The following SCAMP1 variants were observed in gnomAD, a reference collection of about 807,000 sequenced individuals.
SCAMP1 encodes secretory carrier-associated membrane protein 1.
A neutral mutation model predicts 41.8 loss-of-function variants in SCAMP1; 15 were observed. The ratio of observed to expected loss-of-function variants is 0.36; its 90% CI spans 0.24 to 0.55. SCAMP1 has a LOEUF of 0.55. SCAMP1 is among the 20% of genes least tolerant of loss of function. The pLI is 0.86. For missense variants in SCAMP1, 341 were observed against 412.6 expected (o/e 0.83, Z 1.50); for synonymous variants, 135 against 136.8 (o/e 0.99, Z 0.09).
chr5:78,475,662 G>C lies in SCAMP1; in HGVS notation c.1011G>C (p.Gln337His). 6.5e-7 allele frequency: 1 copy of C among 1,542,076 alleles called. No homozygotes were observed. Among genetic ancestry groups the C allele is most frequent in the Non-Finnish European group, 8.7e-7 (1 of 1,145,936 alleles). The change falls in exon 9 of 9, where the codon CAG (glutamine) becomes CAC (histidine). Residue 337 changes from glutamine to histidine, a missense_variant. Physicochemically the swap from Gln to His is conservative, Grantham distance 24. Transcript: ENST00000621999. The part of the protein sequence containing the change: ...SAAQNAFKGN[Q>H]I ...CTCAGAATGCTTTCAAGGGTAACCAGATTTAAGAATCTTCAAACAATACAC... is the reference window on the plus strand; with the variant it reads ...CTCAGAATGCTTTCAAGGGTAACCACATTTAAGAATCTTCAAACAATACAC...
At chr5:78,376,413 A>G (rs1354955866) in intron 1 of SCAMP1, among the ~76,000 whole-genome samples, 1 of 152,240 alleles carries the variant, frequency 6.6e-6, no homozygotes, top group East Asian at 1.9e-4. Context: ...TAGCACATCT[A>G]TAAAATGCAT....
chr5:78,413,508 C>T (rs1242620485), intron 2 of SCAMP1, among the ~76,000 whole-genome samples: 1 of 151,586 alleles, frequency 6.6e-6, no homozygotes, highest in Non-Finnish European at 1.5e-5. Flanking sequence ...ACCTCTGCCT[C>T]CCAGGCTCAA....
At chr5:78,469,909 A>AC (rs1753836465) in intron 8 of SCAMP1, among the ~76,000 whole-genome samples, 1 of 59,286 alleles carries the variant, frequency 1.7e-5, no homozygotes, top group Non-Finnish European at 3.6e-5. Flanking sequence ...AAAAAAAAAA[A>AC]AAACAAAAAA....
At chr5:78,452,924 T>G (rs1206133626) in intron 7 of SCAMP1, among the ~76,000 whole-genome samples, 1 of 150,400 alleles carries the variant, frequency 6.6e-6, no homozygotes, top group Non-Finnish European at 1.5e-5. Context: ...TGATTTGCAT[T>G]TCTCTGATGG....
chr5:78,387,596 G>T (rs1013838397), intron 1 of SCAMP1, among the ~76,000 whole-genome samples: 5 of 152,020 alleles, frequency 3.3e-5, no homozygotes, highest in Non-Finnish European at 7.4e-5. Context: ...TATATCAGAG[G>T]GAAGATCTGG....
At chr5:78,387,600 G>T (rs1398010244) in intron 1 of SCAMP1, among the ~76,000 whole-genome samples, 1 of 152,110 alleles carries the variant, frequency 6.6e-6, no homozygotes, top group Non-Finnish European at 1.5e-5. Flanking sequence ...TCAGAGGGAA[G>T]ATCTGGAACT....
At chr5:78,429,353 T>G (rs1310210185) in intron 6 of SCAMP1, among the ~76,000 whole-genome samples, 142 of 64,714 alleles carry the variant, frequency 2.2e-3, no homozygotes, top group African/African-American at 0.012. Context: ...TGGTTTTTTT[T>G]TTTTTTTTTA....
At chr5:78,375,061 T>C (rs1347561346) in intron 1 of SCAMP1, among the ~76,000 whole-genome samples, 1 of 152,066 alleles carries the variant, frequency 6.6e-6, no homozygotes, top group African/African-American at 2.4e-5. Context: ...TAAATTCATA[T>C]GATTATAGTA....
Position 78,478,961 on chromosome 5 carries a change from T to A in SCAMP1, c.*3293T>A, listed in dbSNP as rs1395173784. 5.9e-5 allele frequency: 9 copies of A among 152,186 alleles called. No individual in the cohort carries two copies. Among genetic ancestry groups the A allele is most frequent in the Non-Finnish European group, 1.3e-4 (9 of 67,986 alleles). 9.4% of individuals were successfully genotyped at this position (152,186 alleles called of 1,614,324 possible). A position where few individuals can be genotyped will look rare whatever the true frequency, so the allele number is the denominator to read the frequency against. ...GTTTGCATTTTAAGGGGATTTATGT[T>A]AGGTTAATTAGTTGTTTCTGTAAAT... On this transcript the variant is annotated 3_prime_UTR_variant, in exon 9 of 9. Transcript: ENST00000621999.
At chr5:78,463,197 T>G (rs962761787) in intron 8 of SCAMP1, among the ~76,000 whole-genome samples, 5 of 152,208 alleles carry the variant, frequency 3.3e-5, no homozygotes, top group Non-Finnish European at 5.9e-5. Flanking sequence ...ACTAAATCCC[T>G]TTTCCAGTTT....
intron 6 of SCAMP1, among the ~76,000 whole-genome samples, chr5:78,446,886 G>T (rs1194825220): frequency 2.0e-5 from 3 of 152,158 alleles, no homozygotes; most frequent in Admixed American, 2.0e-4. Context: ...AGGGGAAATG[G>T]CTGATTCTAG....
At chr5:78,360,821 G>A in intron 1 of SCAMP1, 93 bp downstream of exon 1, 1 of 1,310,638 alleles carries the variant, frequency 7.6e-7, no homozygotes, top group African/African-American at 1.5e-5. Flanking sequence ...TCTGCCCCTC[G>A]GCTCCCCTTA....
intron 2 of SCAMP1, among the ~76,000 whole-genome samples, chr5:78,401,927 T>A (rs1378918614): frequency 6.6e-6 from 1 of 152,156 alleles, no homozygotes; most frequent in African/African-American, 2.4e-5. Context: ...GAGTATGGAT[T>A]TTAGATCTTT....
At chr5:78,448,494 ATATTT>A (rs1753132587) in intron 6 of SCAMP1, among the ~76,000 whole-genome samples, 1 of 152,228 alleles carries the variant, frequency 6.6e-6, no homozygotes, top group Non-Finnish European at 1.5e-5. Context: ...CATCAGAAAA[ATATTT>A]TAATTAGTTC....
rs147666831 is a variant in SCAMP1, at chr5:78,458,460, A to G, written c.735-785A>G. ...AAATGTCTCTGCATGTCTTTTATCC[A>G]TTTTCTTAATTTTTGTATTCTGTTG... On this transcript the variant is annotated intron_variant, in intron 7 of 8. Coordinates refer to ENST00000621999, the MANE Select transcript of SCAMP1 (RefSeq NM_004866.6). Among the ~76,000 whole-genome samples, 511 of 151,744 alleles carry G rather than the reference A, an allele frequency of 3.4e-3. 4 individuals are homozygous for G. The highest frequency in any genetic ancestry group is 0.012 in the African/African-American group (488 of 41,334).
chr5:78,456,786 AC>A (rs1354410669), intron 7 of SCAMP1, among the ~76,000 whole-genome samples: 1 of 131,520 alleles, frequency 7.6e-6, no homozygotes, highest in African/African-American at 3.1e-5. Context: ...GTGTTTTCCA[AC>A]TTGGTTCCAT....
At chr5:78,360,883 C>G in intron 1 of SCAMP1, 155 bp downstream of exon 1, 1 of 699,912 alleles carries the variant, frequency 1.4e-6, no homozygotes, top group South Asian at 1.7e-5. Context: ...GGTCGCGCCC[C>G]GGCCCCGTGT....
At chr5:78,404,940 T>C (rs956305432) in intron 2 of SCAMP1, among the ~76,000 whole-genome samples, 1 of 152,220 alleles carries the variant, frequency 6.6e-6, no homozygotes, top group African/African-American at 2.4e-5. Context: ...CTCTCAGTGT[T>C]GTCTATGCTG....
chr5:78,468,162 AG>A (rs1753791333), intron 8 of SCAMP1, among the ~76,000 whole-genome samples: 1 of 152,174 alleles, frequency 6.6e-6, no homozygotes, highest in African/African-American at 2.4e-5. Flanking sequence ...TGCAGGGCCC[AG>A]TATGAGATTG....
Sources: allele counts gnomAD v4.1 joint callset (sites outside exome capture counted in the v4.1 genomes callset), GRCh38; gene constraint gnomAD v4.1.1; transcripts MANE v1.5; gene names NCBI Gene and HGNC (gene_info 2026-07-23, HGNC 2026-07-21).